GPR160: variants seen among roughly 807,000 people sequenced by gnomAD.
GPR160 encodes probable G protein-coupled receptor 160.
Under a neutral mutation model 2.6 loss-of-function variants are expected in GPR160, and 2 were observed. The observed-to-expected ratio is 0.77, with a 90% CI of 0.32 to 2.44. The LOEUF (loss-of-function observed/expected upper bound fraction) is 2.44, where lower values mean the gene tolerates loss of function less well. Ranked by LOEUF, GPR160 falls within the 30% of genes most tolerant of loss-of-function variation. The pLI is 0.11. For synonymous variants in GPR160, 130 were observed against 132.2 expected (o/e 0.98, Z 0.12); for missense variants, 351 against 383.6 (o/e 0.91, Z 0.71).
At chr3:170,049,888 C>T (rs1716879452) in intron 2 of GPR160, 1 of 152,344 alleles carries the variant, frequency 6.6e-6, no homozygotes, top group African/African-American at 2.4e-5. Flanking sequence ...GTGGTGGAGG[C>T]CTGAAATGAC....
At chr3:170,063,945 G>A (rs1712143216) in intron 2 of GPR160, among the ~76,000 whole-genome samples, 1 of 152,148 alleles carries the variant, frequency 6.6e-6, no homozygotes, top group Admixed American at 6.5e-5. Context: ...TGAGGAGAGT[G>A]TGGCTTGCCT....
chr3:170,046,583 C>T (rs189791804), intron 2 of GPR160, among the ~76,000 whole-genome samples: 7 of 152,282 alleles, frequency 4.6e-5, no homozygotes, highest in African/African-American at 1.7e-4. Flanking sequence ...GACACAGACA[C>T]AGCAAAGTAC....
chr3:170,083,084 T>A (rs537479360), intron 3 of GPR160, among the ~76,000 whole-genome samples: 1 of 152,130 alleles, frequency 6.6e-6, no homozygotes, highest in Admixed American at 6.5e-5. Context: ...TTTTTAAGGA[T>A]GTGTTTCTTG....
chr3:170,048,829 G>A (rs543923998), intron 2 of GPR160, among the ~76,000 whole-genome samples: 1 of 152,210 alleles, frequency 6.6e-6, no homozygotes, highest in East Asian at 1.9e-4. Flanking sequence ...TGCGTGGCCT[G>A]TCGGCTGGCA....
intron 2 of GPR160, among the ~76,000 whole-genome samples, chr3:170,078,974 A>G (rs1246378389): frequency 6.6e-6 from 1 of 152,210 alleles, no homozygotes; most frequent in East Asian, 1.9e-4. Flanking sequence ...GAGTAGGTAC[A>G]AGGACGTGTA....
chr3:170,084,681 A>G lies in GPR160; in HGVS notation c.709A>G (p.Lys237Glu). The G allele has an allele frequency of 6.2e-7, 1 of 1,609,096 alleles. No homozygotes were observed. The highest frequency in any genetic ancestry group is 8.5e-7 in the Non-Finnish European group (1 of 1,175,838). ...SSHSSYTVRSKKIFLSKLIVC... is the reference protein window; with the variant it reads ...SSHSSYTVRSEKIFLSKLIVC... ...CCACTCCAGTTATACTGTGAGATCTAAAAAAATATTCTTATCCAAGCTCAT... is the reference window on the plus strand; with the variant it reads ...CCACTCCAGTTATACTGTGAGATCTGAAAAAATATTCTTATCCAAGCTCAT... The change falls in exon 4 of 4, where the codon AAA becomes GAA. Residue 237 changes from lysine (K) to glutamate (E), a missense_variant. By Grantham distance (56) the Lys-to-Glu change is moderately conservative. Transcript: ENST00000355897.
At chr3:170,063,122 G>A (rs1423314967) in intron 2 of GPR160, 3 of 155,044 alleles carry the variant, frequency 1.9e-5, no homozygotes, top group Non-Finnish European at 2.9e-5. Context: ...TTTCCAAGGT[G>A]GACTTAAACA....
At chr3:170,061,768 A>G (rs1433376604) in intron 2 of GPR160, among the ~76,000 whole-genome samples, 18 of 152,050 alleles carry the variant, frequency 1.2e-4, no homozygotes. Context: ...CTTGTTCCAT[A>G]TTATAATTAT....
At position 170,078,900 on chromosome 3, in the gene GPR160, T is replaced by C. The variant is rs144665025; in HGVS notation, c.-192-874T>C. The stretch of plus-strand genomic sequence containing the variant: ...CAGGCCTTCTGGAAGGCCGGAAGGC[T>C]CTACATAGCTTCCGGGGGAGAATAA... On this transcript the variant is annotated intron_variant, in intron 2 of 3. Coordinates refer to ENST00000355897, the MANE Select transcript of GPR160 (RefSeq NM_014373.3). Among the ~76,000 whole-genome samples the C allele has an allele frequency of 8.7e-4, 133 of 152,150 alleles. 3 individuals are homozygous for C. In the East Asian group the frequency reaches 0.025, roughly 29 times the overall value.
At chr3:170,069,116 C>T (rs984149824) in intron 2 of GPR160, among the ~76,000 whole-genome samples, 11 of 152,204 alleles carry the variant, frequency 7.2e-5, no homozygotes, top group Non-Finnish European at 1.5e-4. Context: ...CTCAACTCTG[C>T]CTACCGTCCA....
At chr3:170,069,248 A>G (rs1559989674) in intron 2 of GPR160, among the ~76,000 whole-genome samples, 1 of 152,224 alleles carries the variant, frequency 6.6e-6, no homozygotes, top group Non-Finnish European at 1.5e-5. Flanking sequence ...TTTCATTTGC[A>G]ACGAATCTAT....
intron 2 of GPR160, among the ~76,000 whole-genome samples, chr3:170,046,038 ATTG>A (rs1385791876): frequency 6.6e-6 from 1 of 152,100 alleles, no homozygotes; most frequent in African/African-American, 2.4e-5. Flanking sequence ...AGCTATTATT[ATTG>A]TTGTTGTTAG....
At chr3:170,045,096 C>T (rs928741485) in intron 2 of GPR160, among the ~76,000 whole-genome samples, 3 of 151,880 alleles carry the variant, frequency 2.0e-5, no homozygotes, top group Admixed American at 6.6e-5. Context: ...GTACGTGTGC[C>T]GTGGAGGAGA....
chr3:170,069,471 G>A (rs764053566), intron 2 of GPR160, among the ~76,000 whole-genome samples: 5 of 152,194 alleles, frequency 3.3e-5, no homozygotes, highest in Non-Finnish European at 5.9e-5. Context: ...GGGTCTATGT[G>A]AATAGCAGTC....
intron 3 of GPR160, among the ~76,000 whole-genome samples, chr3:170,081,715 TCCCTCCTCCCA>T (rs1280060057): frequency 6.6e-6 from 1 of 152,148 alleles, no homozygotes; most frequent in African/African-American, 2.4e-5. Context: ...TCTGCTTCTC[TCCCTCCTCCCA>T]CCCTCCTCCC....
rs763119274 is a variant in GPR160 at position 170,052,075 on chromosome 3, G to A, written c.-193+13032G>A. ...TAAGTAGCTGGGATTACAGGTGCACGCCACCATGCTCAGCTAATTTTTGTA... is the reference window on the plus strand; with the variant it reads ...TAAGTAGCTGGGATTACAGGTGCACACCACCATGCTCAGCTAATTTTTGTA... On this transcript the variant is annotated intron_variant, in intron 2 of 3. Transcript: ENST00000355897. 2.5e-4 allele frequency among the ~76,000 whole-genome samples: 38 copies of A among 152,242 alleles called. 1 individual carries two copies. The highest frequency in any genetic ancestry group is 1.7e-3 in the South Asian group (8 of 4,826).
Position 170,079,797 on chromosome 3 carries a change from T to A in GPR160, c.-169T>A, listed in dbSNP as rs1015921118. On this transcript the variant is annotated 5_prime_UTR_variant, in exon 3 of 4. Transcript: ENST00000355897. Reference sequence around the variant, plus strand: ...AGAGCTTACTCACATAGCATATTGGTATATCAAAATGAAATGCAAGGAACC... The same window carrying A: ...AGAGCTTACTCACATAGCATATTGGAATATCAAAATGAAATGCAAGGAACC... 6.6e-6 allele frequency: 1 copy of A among 152,242 alleles called. No homozygotes were observed. The allele number at this position is 152,242 out of a possible 1,614,324, so 9.4% of individuals were successfully genotyped here.
chr3:170,046,030 CTAT>C (rs1397486127), intron 2 of GPR160, among the ~76,000 whole-genome samples: 2 of 152,144 alleles, frequency 1.3e-5, no homozygotes, highest in Admixed American at 6.5e-5. Context: ...TGTGAGTTAG[CTAT>C]TATTATTGTT....
chr3:170,084,131 T>G lies in GPR160; in HGVS notation c.159T>G (p.Asn53Lys), dbSNP rs1437370970. 3.1e-6 allele frequency: 5 copies of G among 1,593,650 alleles called. No individual in the cohort carries two copies. In the South Asian group the frequency reaches 5.7e-5, roughly 18 times the overall value. ...LGMRRKNTCQ[N>K]FMEYFCISLA... Reference sequence around the variant, plus strand: ...TGAGAAGAAAAAACACCTGTCAAAATTTTATGGAATATTTTTGCATTTCAC... The same window carrying G: ...TGAGAAGAAAAAACACCTGTCAAAAGTTTATGGAATATTTTTGCATTTCAC... Residue 53 changes from asparagine (N) to lysine (K), a missense_variant, in exon 4 of 4, where the codon AAT (asparagine) becomes AAG (lysine). Transcript: ENST00000355897.
Sources: gnomAD v4.1 joint callset for allele counts (sites outside exome capture counted in the v4.1 genomes callset) on GRCh38, gnomAD v4.1.1 for gene constraint, MANE v1.5 for transcripts, NCBI Gene and HGNC (gene_info 2026-07-23, HGNC 2026-07-21) for gene names.